UNC79: variants seen among roughly 807,000 people sequenced by gnomAD.
UNC79 encodes unc-79 subunit of NALCN channel complex.
Under a neutral mutation model 283.1 loss-of-function variants are expected in UNC79, and 37 were observed. That is an observed-to-expected ratio of 0.13 (90% confidence interval 0.10 to 0.17). The LOEUF (loss-of-function observed/expected upper bound fraction) is 0.17. Ranked by LOEUF, UNC79 falls within the 10% of genes least tolerant of loss-of-function variation. The probability of loss-of-function intolerance (pLI) is 1.00; values close to 1 mark genes in which losing one functional copy is unlikely to be tolerated. For missense variants in UNC79, 2,272 were observed against 3,211.1 expected, an observed-to-expected ratio of 0.71 and a Z score of 7.07; for synonymous variants, 1,107 against 1,200.2, an observed-to-expected ratio of 0.92 and a Z score of 1.61.
chr14:93,561,717 G>T (rs954466212), intron 14 of UNC79, among the ~76,000 whole-genome samples: 6 of 152,074 alleles, frequency 3.9e-5, no homozygotes, highest in African/African-American at 1.4e-4. Flanking sequence ...GTATTGGAGG[G>T]TGCCCTGCCA....
chr14:93,540,531 C>T, intron 12 of UNC79, 129 bp from the exon 13 acceptor site: 2 of 986,092 alleles, frequency 2.0e-6, no homozygotes, highest in Non-Finnish European at 1.5e-6. Flanking sequence ...AACTCAGTAA[C>T]ACAGTACTCA....
intron 11 of UNC79, 99 bp from the exon 12 acceptor site, chr14:93,537,890 G>T: frequency 8.5e-7 from 1 of 1,171,908 alleles, no homozygotes; most frequent in Non-Finnish European, 1.2e-6. Flanking sequence ...TGAATGTGTT[G>T]TCACTTCGAG....
intron 4 of UNC79, among the ~76,000 whole-genome samples, chr14:93,479,980 A>G (rs779150091): frequency 1.3e-5 from 2 of 152,210 alleles, no homozygotes; most frequent in Non-Finnish European, 2.9e-5. Context: ...CCTTCTTAGG[A>G]ATAAGTTAAT....
intron 1 of UNC79, among the ~76,000 whole-genome samples, chr14:93,421,622 A>G (rs1002784527): frequency 4.0e-5 from 6 of 151,670 alleles, no homozygotes; most frequent in African/African-American, 1.2e-4. Flanking sequence ...TTACCCTGAT[A>G]CTAAACCAGA....
intron 8 of UNC79, among the ~76,000 whole-genome samples, chr14:93,525,606 T>G (rs914104621): frequency 6.6e-6 from 1 of 152,164 alleles, no homozygotes; most frequent in Non-Finnish European, 1.5e-5. Flanking sequence ...ACATGTGAAT[T>G]CATAGTTTAT....
At chr14:93,555,832 AG>A (rs1353597196) in intron 14 of UNC79, among the ~76,000 whole-genome samples, 1 of 152,348 alleles carries the variant, frequency 6.6e-6, no homozygotes, top group African/African-American at 2.4e-5. Flanking sequence ...AGGTGAAATA[AG>A]ATAGATAATT....
At chr14:93,477,136 A>T (rs2140351539) in intron 3 of UNC79, among the ~76,000 whole-genome samples, 1 of 152,184 alleles carries the variant, frequency 6.6e-6, no homozygotes, top group Non-Finnish European at 1.5e-5. Flanking sequence ...AAATTACCTC[A>T]TTGCCCGACA....
At chr14:93,464,659 G>C (rs1160731273) in intron 1 of UNC79, 2 of 449,752 alleles carry the variant, frequency 4.4e-6, no homozygotes, top group African/African-American at 4.0e-5. Flanking sequence ...AACTATAATT[G>C]AAGAGTGTAG....
intron 20 of UNC79, among the ~76,000 whole-genome samples, chr14:93,585,494 AG>A (rs1290930169): frequency 6.6e-6 from 1 of 152,256 alleles, no homozygotes; most frequent in South Asian, 2.1e-4. Context: ...CAAACAAAAC[AG>A]TCAAGTACTT....
At chr14:93,463,031 G>A (rs952225399) in intron 1 of UNC79, among the ~76,000 whole-genome samples, 1 of 152,128 alleles carries the variant, frequency 6.6e-6, no homozygotes, top group Non-Finnish European at 1.5e-5. Flanking sequence ...TATTGAGAGA[G>A]AGGAACAGAG....
intron 30 of UNC79, among the ~76,000 whole-genome samples, chr14:93,629,326 G>A (rs1315029250): frequency 1.3e-5 from 2 of 152,190 alleles, no homozygotes; most frequent in African/African-American, 2.4e-5. Context: ...ATTATTAGGC[G>A]TTAGTTGTAG....
At chr14:93,585,358 G>C (rs1202462464) in intron 20 of UNC79, among the ~76,000 whole-genome samples, 1 of 152,114 alleles carries the variant, frequency 6.6e-6, no homozygotes, top group African/African-American at 2.4e-5. Flanking sequence ...GTGCTCTGTC[G>C]ACACGTGTTC....
intron 1 of UNC79, among the ~76,000 whole-genome samples, chr14:93,439,433 C>T (rs1033896277): frequency 2.6e-5 from 4 of 151,872 alleles, no homozygotes; most frequent in Non-Finnish European, 5.9e-5. Context: ...TTTTCTGCAT[C>T]TATGGAGACC....
intron 14 of UNC79, among the ~76,000 whole-genome samples, chr14:93,550,828 C>A (rs1252417453): frequency 1.3e-5 from 2 of 151,992 alleles, no homozygotes; most frequent in Non-Finnish European, 2.9e-5. Context: ...GAAGATACCA[C>A]ATACACATAA....
intron 14 of UNC79, among the ~76,000 whole-genome samples, chr14:93,568,867 C>G (rs949133553): frequency 1.3e-5 from 2 of 152,092 alleles, no homozygotes; most frequent in Non-Finnish European, 2.9e-5. Flanking sequence ...CCTTTAAGAT[C>G]TTTTTAGTTG....
intron 1 of UNC79, among the ~76,000 whole-genome samples, chr14:93,376,030 C>G (rs886449477): frequency 2.0e-5 from 3 of 152,194 alleles, no homozygotes; most frequent in African/African-American, 7.2e-5. Flanking sequence ...CAAGAAGGCT[C>G]TCACCAGTTG....
chr14:93,475,671 C>T (rs971652836), intron 3 of UNC79, among the ~76,000 whole-genome samples: 3 of 152,288 alleles, frequency 2.0e-5, no homozygotes, highest in African/African-American at 7.2e-5. Flanking sequence ...CAGTGCGTCT[C>T]CTTCGTGACT....
intron 1 of UNC79, among the ~76,000 whole-genome samples, chr14:93,424,984 C>T (rs2055692351): frequency 6.6e-6 from 1 of 152,132 alleles, no homozygotes; most frequent in Non-Finnish European, 1.5e-5. Flanking sequence ...AATATATACA[C>T]TTACTATGTA....
intron 14 of UNC79, among the ~76,000 whole-genome samples, chr14:93,545,107 C>G (rs1421153293): frequency 1.3e-5 from 2 of 151,928 alleles, no homozygotes; most frequent in Non-Finnish European, 2.9e-5. Flanking sequence ...GCAAAATGGG[C>G]AAGACAGAAG....
Sources: gnomAD v4.1 joint callset for allele counts (sites outside exome capture counted in the v4.1 genomes callset) on GRCh38, gnomAD v4.1.1 for gene constraint, MANE v1.5 for transcripts, NCBI Gene and HGNC (gene_info 2026-07-23, HGNC 2026-07-21) for gene names.